The following IRAK1BP1 variants were observed in gnomAD, a reference collection of about 807,000 sequenced individuals.
IRAK1BP1 encodes interleukin-1 receptor-associated kinase 1-binding protein 1.
Under a neutral mutation model 28.0 loss-of-function variants are expected in IRAK1BP1, and 24 were observed. The ratio of observed to expected loss-of-function variants is 0.86; its 90% CI spans 0.62 to 1.20. IRAK1BP1 has a LOEUF of 1.20. IRAK1BP1 is among the 50% of genes most tolerant of loss of function. The pLI is 0.00. For synonymous variants in IRAK1BP1, 131 were observed against 116.3 expected, an observed-to-expected ratio of 1.13 and a Z score of -0.81; for missense variants, 336 against 316.7, an observed-to-expected ratio of 1.06 and a Z score of -0.46.
the IRAK1BP1 span, among the ~76,000 whole-genome samples, chr6:78,953,040 T>G: frequency 3.3e-5 from 5 of 152,086 alleles, no homozygotes; most frequent in African/African-American, 7.2e-5. Context: ...TATATAGGTG[T>G]TGTTTTTTTT....
chr6:78,921,078 G>A (rs1217380210), intron 4 of IRAK1BP1, among the ~76,000 whole-genome samples: 1 of 152,178 alleles, frequency 6.6e-6, no homozygotes, highest in Non-Finnish European at 1.5e-5. Context: ...TCCAGTGGGT[G>A]CAGGACAGAG....
At chr6:78,876,276 T>C (rs1387352517) in intron 1 of IRAK1BP1, among the ~76,000 whole-genome samples, 1 of 152,218 alleles carries the variant, frequency 6.6e-6, no homozygotes, top group African/African-American at 2.4e-5. Flanking sequence ...CCTTCTGCCA[T>C]GGTTGTAAGT....
chr6:78,961,286 G>T, the IRAK1BP1 span, among the ~76,000 whole-genome samples: 1 of 151,442 alleles, frequency 6.6e-6, no homozygotes, highest in Non-Finnish European at 1.5e-5. Flanking sequence ...TACATAATAC[G>T]AATACAAAAT....
chr6:78,902,919 A>G lies in IRAK1BP1; in HGVS notation c.*4585A>G. The G allele has an allele frequency of 1.3e-6, 1 of 755,226 alleles. No homozygotes were observed. Among genetic ancestry groups the G allele is most frequent in the South Asian group, 1.7e-5 (1 of 58,742 alleles). The allele number at this position is 755,226 out of a possible 1,614,324, so 46.8% of individuals were successfully genotyped here. On this transcript the variant is annotated 3_prime_UTR_variant, in exon 4 of 4. Transcript: ENST00000369940. ...GTAATATTAATAGAAATCTTTCAAG[A>G]AGGATTGTTTTCTACTATTAAAACA...
chr6:78,877,547 A>G (rs1324155072), intron 1 of IRAK1BP1, among the ~76,000 whole-genome samples: 1 of 152,214 alleles, frequency 6.6e-6, no homozygotes, highest in Non-Finnish European at 1.5e-5. Flanking sequence ...GCTCCAGTCT[A>G]CAGCTCCCAG....
At chr6:78,940,156 T>C (rs919386010) in intron 4 of IRAK1BP1, 3 of 152,106 alleles carry the variant, frequency 2.0e-5, no homozygotes, top group Admixed American at 2.0e-4. Context: ...ATTAAACTGT[T>C]TAGGGTATCA....
At chr6:78,967,181 G>A in the IRAK1BP1 span, among the ~76,000 whole-genome samples, 2 of 152,016 alleles carry the variant, frequency 1.3e-5, no homozygotes, top group Admixed American at 1.3e-4. Flanking sequence ...GAAAAACAAG[G>A]TAAAAGAATA....
intron 4 of IRAK1BP1, among the ~76,000 whole-genome samples, chr6:78,944,625 C>T (rs892100763): frequency 2.0e-5 from 3 of 152,160 alleles, no homozygotes; most frequent in African/African-American, 7.2e-5. Context: ...TTTAAGTTTA[C>T]ACGGGTAGAT....
At chr6:78,968,873 T>C in the IRAK1BP1 span, among the ~76,000 whole-genome samples, 7 of 152,328 alleles carry the variant, frequency 4.6e-5, no homozygotes, top group Non-Finnish European at 7.3e-5. Flanking sequence ...AGATAAGTTA[T>C]GTGTTCCAAT....
At chr6:78,941,315 T>C (rs1368673081) in intron 4 of IRAK1BP1, 1 of 1,612,930 alleles carries the variant, frequency 6.2e-7, no homozygotes, top group East Asian at 2.2e-5. Context: ...TACAAGAGCG[T>C]TGTTCTTACA....
the IRAK1BP1 span, chr6:78,957,010 A>G: frequency 6.6e-6 from 1 of 152,088 alleles, no homozygotes; most frequent in African/African-American, 2.4e-5. Flanking sequence ...GGAATACTTA[A>G]TATCTTGAAG....
chr6:78,952,616 G>C, the IRAK1BP1 span, among the ~76,000 whole-genome samples: 1 of 151,722 alleles, frequency 6.6e-6, no homozygotes, highest in Non-Finnish European at 1.5e-5. Flanking sequence ...TTATCATTCT[G>C]TGTGGGATTC....
At chr6:78,937,978 CCTAAGACAA>C (rs951581674) in intron 4 of IRAK1BP1, 1 of 151,498 alleles carries the variant, frequency 6.6e-6, no homozygotes, top group Non-Finnish European at 1.5e-5. Context: ...TTATTGCTTA[CCTAAGACAA>C]CTGCCAATAT....
At chr6:78,873,143 T>C (rs1358943829) in intron 1 of IRAK1BP1, among the ~76,000 whole-genome samples, 1 of 148,080 alleles carries the variant, frequency 6.8e-6, no homozygotes, top group Non-Finnish European at 1.5e-5. Flanking sequence ...GTGTCTCAGC[T>C]ACTCCGGAGG....
chr6:78,890,548 T>C (rs956566024), intron 2 of IRAK1BP1, among the ~76,000 whole-genome samples: 2 of 152,020 alleles, frequency 1.3e-5, no homozygotes, highest in African/African-American at 2.4e-5. Flanking sequence ...CCCAGCGCAA[T>C]GAACAACAAC....
At chr6:78,956,141 A>G in the IRAK1BP1 span, 1 of 152,260 alleles carries the variant, frequency 6.6e-6, no homozygotes, top group African/African-American at 2.4e-5. Context: ...TCTCCTGAGC[A>G]TTCTACCAAC....
At chr6:78,894,256 C>T (rs997154303) in intron 2 of IRAK1BP1, among the ~76,000 whole-genome samples, 1 of 152,128 alleles carries the variant, frequency 6.6e-6, no homozygotes, top group African/African-American at 2.4e-5. Flanking sequence ...TCAATAATCA[C>T]GTTAAATGTA....
At chr6:78,968,610 A>G in the IRAK1BP1 span, among the ~76,000 whole-genome samples, 16,176 of 152,296 alleles carry the variant, frequency 0.11, 891 homozygotes, top group Middle Eastern at 0.19. Context: ...ACAACTGTGC[A>G]TAAAAAGTAT....
chr6:78,945,464 A>C lies in IRAK1BP1; in HGVS notation c.*124A>C. On this transcript the variant is annotated 3_prime_UTR_variant and NMD_transcript_variant, in exon 5 of 5. Transcript: ENST00000606868. Reference sequence around the variant, plus strand: ...TTGACCAGGACTGGAAAGAGTATTCAAAGCTTTGGAATGTTTCACAGAATT... The same window carrying C: ...TTGACCAGGACTGGAAAGAGTATTCCAAGCTTTGGAATGTTTCACAGAATT... The C allele has an allele frequency of 6.2e-7, 1 of 1,610,224 alleles. No homozygotes were observed. Among genetic ancestry groups the C allele is most frequent in the Non-Finnish European group, 8.5e-7 (1 of 1,176,556 alleles).
Sources: allele counts gnomAD v4.1 joint callset (sites outside exome capture counted in the v4.1 genomes callset), GRCh38; gene constraint gnomAD v4.1.1; transcripts MANE v1.5; gene names NCBI Gene and HGNC (gene_info 2026-07-23, HGNC 2026-07-21).